Variants in SIRPG observed in about 807,000 individuals in gnomAD.
The protein encoded by SIRPG is signal regulatory protein gamma.
A neutral mutation model predicts 35.7 loss-of-function variants in SIRPG; 38 were observed. That is an observed-to-expected ratio of 1.06 (90% CI 0.82 to 1.40). The LOEUF (loss-of-function observed/expected upper bound fraction) is 1.40, where lower values mean the gene tolerates loss of function less well. Ranked by LOEUF, SIRPG falls within the 40% of genes most tolerant of loss-of-function variation. The pLI is 0.00. For missense variants in SIRPG, 519 were observed against 483.0 expected (o/e 1.07, Z -0.70); for synonymous variants, 215 against 190.4 (o/e 1.13, Z -1.06).
rs775275224 is a variant in SIRPG at position 1,636,403 on chromosome 20, A to T, written c.533T>A (p.Ile178Asn). 1 of 1,614,200 alleles carries T rather than the reference A, an allele frequency of 6.2e-7. No homozygotes were observed. Among genetic ancestry groups the T allele is most frequent in the Non-Finnish European group, 8.5e-7 (1 of 1,180,036 alleles). Residue 178 changes from isoleucine (I) to asparagine (N), a missense_variant, in exon 3 of 6, where the codon ATC becomes AAC. Physicochemically the swap from Ile to Asn is moderately radical, Grantham distance 149. Transcript: ENST00000303415. Reference protein sequence around the residue: ...CESHGFSPRDITLKWFKNGNE... With the variant: ...CESHGFSPRDNTLKWFKNGNE... ...CCCATTTTTGAACCATTTCAGGGTG[A>T]TGTCTCTGGGAGAGAAGCCATGGGA...
chr20:1,663,922 A>G, the SIRPG span, among the ~76,000 whole-genome samples: 3 of 152,244 alleles, frequency 2.0e-5, no homozygotes, highest in African/African-American at 7.2e-5. Flanking sequence ...TGGGTAATTT[A>G]TAAATAAGAG....
chr20:1,635,719 G>T (rs369571394), intron 3 of SIRPG, 120 bp from the exon 4 acceptor site: 23 of 1,070,022 alleles, frequency 2.1e-5, no homozygotes, highest in Admixed American at 1.3e-4. Flanking sequence ...TAGGCAGGCA[G>T]CAGATGCTAA....
At position 1,636,351 on chromosome 20, in the gene SIRPG, G is replaced by T. The variant is rs768776233; in HGVS notation, c.585C>A (p.Asn195Lys). ...NGNELSDFQT[N>K]VDPTGQSVAY... is the part of the protein sequence containing the mutation. ...CCACACTCTGTCCTGTGGGGTCCACGTTGGTCTGGAAGTCTGAGAGCTCAT... is the reference window on the plus strand; with the variant it reads ...CCACACTCTGTCCTGTGGGGTCCACTTTGGTCTGGAAGTCTGAGAGCTCAT... Residue 195 changes from asparagine (N) to lysine (K), a missense_variant, in exon 3 of 6, where the codon AAC becomes AAA. Coordinates refer to ENST00000303415, the MANE Select transcript of SIRPG (RefSeq NM_018556.4). 1.2e-6 allele frequency: 2 copies of T among 1,614,250 alleles called. No individual in the cohort carries two copies. Among genetic ancestry groups the T allele is most frequent in the Non-Finnish European group, 8.5e-7 (1 of 1,180,046 alleles).
At chr20:1,651,241 C>T (rs922590415) in intron 1 of SIRPG, 3 of 152,174 alleles carry the variant, frequency 2.0e-5, no homozygotes, top group African/African-American at 4.8e-5. Flanking sequence ...CTCCACATCC[C>T]ACAAACAAGT....
the SIRPG span, among the ~76,000 whole-genome samples, chr20:1,681,213 C>T: frequency 6.6e-6 from 1 of 152,196 alleles, no homozygotes; most frequent in African/African-American, 2.4e-5. Context: ...ACTACACATC[C>T]TCTTCCTCAT....
chr20:1,667,878 T>G, the SIRPG span, among the ~76,000 whole-genome samples: 3 of 152,248 alleles, frequency 2.0e-5, no homozygotes, highest in African/African-American at 7.2e-5. Context: ...TTTGCTTTAA[T>G]CAGCTCAATT....
At chr20:1,644,113 T>C (rs1236755983) in intron 2 of SIRPG, among the ~76,000 whole-genome samples, 1 of 152,196 alleles carries the variant, frequency 6.6e-6, no homozygotes, top group African/African-American at 2.4e-5. Flanking sequence ...GTGAGTGTGC[T>C]TCAGTGGGGA....
chr20:1,682,893 C>T, the SIRPG span, among the ~76,000 whole-genome samples: 77,357 of 152,068 alleles, frequency 0.51, 20,292 homozygotes, highest in Admixed American at 0.59. Context: ...GTGCATTTCT[C>T]GTGGATATAG....
At chr20:1,653,024 C>G (rs1022589950) in intron 1 of SIRPG, among the ~76,000 whole-genome samples, 1 of 152,108 alleles carries the variant, frequency 6.6e-6, no homozygotes, top group South Asian at 2.1e-4. Context: ...AAATGAGTTT[C>G]CCATGTAGAG....
the SIRPG span, among the ~76,000 whole-genome samples, chr20:1,675,730 G>A: frequency 6.6e-6 from 1 of 152,220 alleles, no homozygotes; most frequent in African/African-American, 2.4e-5. Context: ...TGTTACATTA[G>A]GATTAGAGAC....
At chr20:1,680,572 AAACTG>A in the SIRPG span, among the ~76,000 whole-genome samples, 3 of 152,344 alleles carry the variant, frequency 2.0e-5, no homozygotes, top group Non-Finnish European at 4.4e-5. Context: ...AAATACTAGC[AAACTG>A]AATTGAATAG....
chr20:1,679,131 C>T, the SIRPG span, among the ~76,000 whole-genome samples: 7 of 152,214 alleles, frequency 4.6e-5, no homozygotes, highest in Non-Finnish European at 7.4e-5. Flanking sequence ...AAAATGAGCA[C>T]CCACCACCAC....
the SIRPG span, among the ~76,000 whole-genome samples, chr20:1,673,468 G>A: frequency 6.6e-6 from 1 of 152,090 alleles, no homozygotes; most frequent in Non-Finnish European, 1.5e-5. Flanking sequence ...CATGTCGTAG[G>A]TGCTTAACAA....
chr20:1,648,475 T>A (rs2091913559), intron 2 of SIRPG: 1 of 152,094 alleles, frequency 6.6e-6, no homozygotes, highest in Non-Finnish European at 1.5e-5. Context: ...ACACTTTCCA[T>A]CCCCTGGATG....
At position 1,636,455 on chromosome 20, in the gene SIRPG, C is replaced by G. The variant is rs750722835; in HGVS notation, c.481G>C (p.Glu161Gln). 6.2e-7 allele frequency: 1 copy of G among 1,614,112 alleles called. No individual in the cohort carries two copies. Among genetic ancestry groups the G allele is most frequent in the Non-Finnish European group, 8.5e-7 (1 of 1,180,058 alleles). ...TCACAGGTGAAACTCACTGTATGCT[C>G]AGGTGTGGTCCTCGCCGCAGGGCCC... ...VLGPAARTTP[E>Q]HTVSFTCESH... Residue 161 changes from glutamate to glutamine, a missense_variant, in exon 3 of 6, where the codon GAG (glutamate) becomes CAG (glutamine). Glu to Gln is a conservative substitution (Grantham distance 29). Coordinates refer to ENST00000303415, the MANE Select transcript of SIRPG (RefSeq NM_018556.4).
intron 1 of SIRPG, among the ~76,000 whole-genome samples, chr20:1,650,041 CAT>C (rs975742803): frequency 1.0e-4 from 11 of 104,944 alleles, no homozygotes; most frequent in African/African-American, 2.5e-4. Flanking sequence ...ATATAAGTGT[CAT>C]ATATATTTTT....
intron 1 of SIRPG, chr20:1,651,229 A>G (rs2091938375): frequency 6.6e-6 from 1 of 152,178 alleles, no homozygotes; most frequent in Non-Finnish European, 1.5e-5. Flanking sequence ...TTTACCTGAT[A>G]CCTCCACATC....
At chr20:1,674,221 T>TA in the SIRPG span, among the ~76,000 whole-genome samples, 9 of 151,604 alleles carry the variant, frequency 5.9e-5, no homozygotes, top group Non-Finnish European at 1.2e-4. Flanking sequence ...ATTTAAATTT[T>TA]TTTTTTTCAA....
chr20:1,662,246 C>G (rs1368851039), upstream of SIRPG, among the ~76,000 whole-genome samples: 5 of 152,172 alleles, frequency 3.3e-5, no homozygotes, highest in Non-Finnish European at 7.4e-5. Context: ...GGAAAGCCTG[C>G]ACTGTAATTG....
Sources: allele counts gnomAD v4.1 joint callset (sites outside exome capture counted in the v4.1 genomes callset), GRCh38; gene constraint gnomAD v4.1.1; transcripts MANE v1.5; gene names NCBI Gene and HGNC (gene_info 2026-07-23, HGNC 2026-07-21).